The following CRY1 variants were observed in gnomAD, a reference collection of about 807,000 sequenced individuals.
CRY1 encodes the protein cryptochrome circadian regulator 1, also known as cryptochrome-1.
Under a neutral mutation model 76.0 loss-of-function variants are expected in CRY1, and 45 were observed. The ratio of observed to expected loss-of-function variants is 0.59; its 90% CI spans 0.47 to 0.76. The LOEUF (loss-of-function observed/expected upper bound fraction) is 0.76. Among genes scored for constraint, CRY1 ranks in the 30% least tolerant of loss-of-function variants. CRY1 has a pLI of 0.00. For synonymous variants in CRY1, 248 were observed against 244.0 expected (o/e 1.02, Z -0.15); for missense variants, 587 against 716.4 (o/e 0.82, Z 2.06).
At chr12:107,063,354 A>G (rs2136885690) in intron 1 of CRY1, among the ~76,000 whole-genome samples, 1 of 152,332 alleles carries the variant, frequency 6.6e-6, no homozygotes, top group East Asian at 1.9e-4. Context: ...TGAGTTGTCA[A>G]TTACCTGACA....
intron 1 of CRY1, among the ~76,000 whole-genome samples, chr12:107,066,589 G>C (rs1337919862): frequency 1.3e-5 from 2 of 151,836 alleles, no homozygotes; most frequent in African/African-American, 4.8e-5. Flanking sequence ...CCAAGTAACA[G>C]AGACTACATG....
chr12:107,070,007 A>G (rs1050998724), intron 1 of CRY1, among the ~76,000 whole-genome samples: 3 of 152,166 alleles, frequency 2.0e-5, no homozygotes, highest in African/African-American at 7.2e-5. Context: ...ACATAAGGAT[A>G]TGAGAAGACT....
At chr12:107,064,036 T>G (rs1226719210) in intron 1 of CRY1, among the ~76,000 whole-genome samples, 1 of 151,934 alleles carries the variant, frequency 6.6e-6, no homozygotes, top group Non-Finnish European at 1.5e-5. Context: ...GTATACTTAT[T>G]TTTTTTTAAG....
At position 107,058,717 on chromosome 12, in the gene CRY1, G is replaced by A. The variant is rs186447610; in HGVS notation, c.158+34087C>T. ...TGGCAAAGTAAATGATGCTTTTTGC[G>A]AAGACAGAAAATTCTGAATGTTGAT... On this transcript the variant is annotated intron_variant, in intron 1 of 12. Transcript: ENST00000008527. Among the ~76,000 whole-genome samples, 646 of 152,204 alleles carry A rather than the reference G, an allele frequency of 4.2e-3. 4 individuals are homozygous for A. Among genetic ancestry groups the A allele is most frequent in the Middle Eastern group, 6.8e-3 (2 of 294 alleles).
chr12:107,089,846 A>G (rs922017438), intron 1 of CRY1, among the ~76,000 whole-genome samples: 7 of 152,196 alleles, frequency 4.6e-5, no homozygotes, highest in African/African-American at 1.7e-4. Flanking sequence ...ACTCCAAGAT[A>G]TCACTATATT....
chr12:107,004,878 T>C (rs892952542), intron 3 of CRY1, among the ~76,000 whole-genome samples: 8 of 152,202 alleles, frequency 5.3e-5, no homozygotes, highest in Non-Finnish European at 1.2e-4. Context: ...GAAATGCTGA[T>C]ACCTGTCATT....
In CRY1 at chr12:106,994,691, C is replaced by T. The variant is rs75262990; in HGVS notation, c.1586-1655G>A. Among the ~76,000 whole-genome samples the T allele has an allele frequency of 3.3e-4, 50 of 152,266 alleles. 1 individual carries two copies. The East Asian group carries it at 7.9e-3, about 24-fold the overall frequency. ...GCTTTTGAAGATAATTCCAAATAAA[C>T]GACACAGGTTTGAGTGGTCTAAGAA... On this transcript the variant is annotated intron_variant, in intron 10 of 12. Transcript: ENST00000008527.
chr12:107,024,605 G>A (rs1369524701), intron 1 of CRY1, among the ~76,000 whole-genome samples: 1 of 152,006 alleles, frequency 6.6e-6, no homozygotes, highest in African/African-American at 2.4e-5. Flanking sequence ...TCGAACTCCT[G>A]GCCTCAAGTC....
chr12:107,012,691 G>C (rs1342756746), intron 2 of CRY1, among the ~76,000 whole-genome samples: 1 of 152,214 alleles, frequency 6.6e-6, no homozygotes, highest in Non-Finnish European at 1.5e-5. Flanking sequence ...TCTGAGCAAA[G>C]TAAATTGAAA....
At chr12:107,037,472 C>A (rs780702210) in intron 1 of CRY1, among the ~76,000 whole-genome samples, 4 of 151,800 alleles carry the variant, frequency 2.6e-5, no homozygotes, top group Non-Finnish European at 5.9e-5. Flanking sequence ...GTGGAGGTTG[C>A]AGTGAGCCAA....
rs149786792 is a variant in CRY1 at position 107,057,373 on chromosome 12, G to C, written c.159-35181C>G. ...GGTTGGCAAATCAGGAGGCAATATGGCACAGGAATTTAAAAAGAAAGCCCT... is the reference window on the plus strand; with the variant it reads ...GGTTGGCAAATCAGGAGGCAATATGCCACAGGAATTTAAAAAGAAAGCCCT... On this transcript the variant is annotated intron_variant, in intron 1 of 12. Coordinates refer to ENST00000008527, the MANE Select transcript of CRY1 (RefSeq NM_004075.5). Among the ~76,000 whole-genome samples, 1,017 of 152,236 alleles carry C rather than the reference G, an allele frequency of 6.7e-3. 4 individuals carry two copies. The highest frequency in any genetic ancestry group is 0.027 in the Middle Eastern group (8 of 294).
intron 1 of CRY1, among the ~76,000 whole-genome samples, chr12:107,045,164 A>G (rs555814674): frequency 6.6e-6 from 1 of 152,318 alleles, no homozygotes; most frequent in Non-Finnish European, 1.5e-5. Context: ...TCTCCATTAG[A>G]CTAATAGCAG....
intron 3 of CRY1, among the ~76,000 whole-genome samples, chr12:107,003,807 A>AT (rs200134178): frequency 0.023 from 3,152 of 139,020 alleles, 72 homozygotes; most frequent in African/African-American, 0.051. Flanking sequence ...TAAACACTTG[A>AT]TTTTTTTTTT....
At chr12:107,019,978 C>T (rs1343316602) in intron 2 of CRY1, among the ~76,000 whole-genome samples, 4 of 152,016 alleles carry the variant, frequency 2.6e-5, no homozygotes, top group Non-Finnish European at 5.9e-5. Context: ...TTATATCAAA[C>T]AGATTTAGAG....
At chr12:107,028,760 G>T (rs1952643558) in intron 1 of CRY1, among the ~76,000 whole-genome samples, 1 of 152,130 alleles carries the variant, frequency 6.6e-6, no homozygotes, top group Non-Finnish European at 1.5e-5. Context: ...GACTAACACA[G>T]TTGTGTTACT....
At chr12:106,993,090 G>A in intron 10 of CRY1, 54 bp from the exon 11 acceptor site, 8 of 1,549,646 alleles carry the variant, frequency 5.2e-6, no homozygotes, top group South Asian at 3.4e-5. Context: ...CAAGATGTAT[G>A]TATTATTAAG....
chr12:107,025,096 C>T (rs1186745537), intron 1 of CRY1, among the ~76,000 whole-genome samples: 1 of 152,044 alleles, frequency 6.6e-6, no homozygotes, highest in Non-Finnish European at 1.5e-5. Flanking sequence ...TATATGTGCA[C>T]AAGAAAATAA....
Position 106,997,633 on chromosome 12 carries a change from A to T in CRY1, c.1347T>A (p.Asn449Lys). 1 of 1,614,162 alleles carries T rather than the reference A, an allele frequency of 6.2e-7. No individual in the cohort carries two copies. Among genetic ancestry groups the T allele is most frequent in the Middle Eastern group, 1.6e-4 (1 of 6,062 alleles). ...FPAKYIYDPW[N>K]APEGIQKVAK... ...CTACCTTTTGGATACCTTCTGGTGC[A>T]TTCCAGGGATCATAGATATATTTTG... The change falls in exon 9 of 13, where the codon AAT becomes AAA. Residue 449 changes from asparagine (N) to lysine (K), a missense_variant. Asn to Lys is a moderately conservative substitution (Grantham distance 94). Transcript: ENST00000008527.
chr12:107,027,388 A>G (rs184822618), intron 1 of CRY1, among the ~76,000 whole-genome samples: 1 of 152,258 alleles, frequency 6.6e-6, no homozygotes, highest in East Asian at 1.9e-4. Context: ...TATTTTCTTG[A>G]ACTACACCCA....
Sources: gnomAD v4.1 joint callset for allele counts (sites outside exome capture counted in the v4.1 genomes callset) on GRCh38, gnomAD v4.1.1 for gene constraint, MANE v1.5 for transcripts, NCBI Gene and HGNC (gene_info 2026-07-23, HGNC 2026-07-21) for gene names.